The following PLCB1 variants were observed in gnomAD, a reference collection of about 807,000 sequenced individuals.
The protein encoded by PLCB1 is phospholipase C beta 1, also known as 1-phosphatidylinositol 4,5-bisphosphate phosphodiesterase beta-1.
Under a neutral mutation model 161.8 loss-of-function variants are expected in PLCB1, and 46 were observed. The observed-to-expected ratio is 0.28, with a 90% CI of 0.22 to 0.36. The LOEUF (loss-of-function observed/expected upper bound fraction) is 0.36. Among genes scored for constraint, PLCB1 ranks in the 10% least tolerant of loss-of-function variants. The pLI, the probability that PLCB1 is intolerant of heterozygous loss-of-function variation, is 1.00. For missense variants in PLCB1, 1,016 were observed against 1,472.5 expected, an observed-to-expected ratio of 0.69 and a Z score of 5.07; for synonymous variants, 517 against 503.7, an observed-to-expected ratio of 1.03 and a Z score of -0.35.
intron 2 of PLCB1, among the ~76,000 whole-genome samples, chr20:8,156,771 C>T (rs1235216388): frequency 6.6e-6 from 1 of 152,160 alleles, no homozygotes; most frequent in Non-Finnish European, 1.5e-5. Flanking sequence ...GTATTACTCT[C>T]TTAGTGTTGT....
At chr20:8,876,568 G>A (rs118088268) in intron 31 of PLCB1, among the ~76,000 whole-genome samples, 1,961 of 152,192 alleles carry the variant, frequency 0.013, 19 homozygotes, top group Non-Finnish European at 0.019. Flanking sequence ...CCATAATACT[G>A]CTGCCTAACA....
chr20:8,709,146 G>A (rs1978855742), intron 12 of PLCB1, among the ~76,000 whole-genome samples: 1 of 152,080 alleles, frequency 6.6e-6, no homozygotes, highest in Admixed American at 6.5e-5. Flanking sequence ...TGGCAGGTGG[G>A]GGGAGAGCTG....
chr20:8,488,717 C>T (rs962727604), intron 3 of PLCB1, among the ~76,000 whole-genome samples: 1 of 152,160 alleles, frequency 6.6e-6, no homozygotes, highest in Non-Finnish European at 1.5e-5. Context: ...AACAAATGGG[C>T]ATTTTTAGAA....
intron 3 of PLCB1, among the ~76,000 whole-genome samples, chr20:8,612,304 T>G (rs1431149138): frequency 1.3e-5 from 2 of 152,172 alleles, no homozygotes; most frequent in Non-Finnish European, 2.9e-5. Flanking sequence ...AATCAATTAT[T>G]GTAGGAGAGG....
chr20:8,847,363 C>A (rs1322552150), intron 31 of PLCB1, among the ~76,000 whole-genome samples: 6 of 152,214 alleles, frequency 3.9e-5, no homozygotes, highest in Admixed American at 3.9e-4. Flanking sequence ...CATCCAAGAT[C>A]TGTCCTTACT....
chr20:8,745,011 T>G (rs546580498), intron 23 of PLCB1, among the ~76,000 whole-genome samples: 2 of 152,334 alleles, frequency 1.3e-5, no homozygotes, highest in Admixed American at 1.3e-4. Context: ...TGTATAATAT[T>G]GTTTAAATTT....
intron 3 of PLCB1, among the ~76,000 whole-genome samples, chr20:8,495,542 C>T (rs1783184151): frequency 6.8e-6 from 1 of 146,324 alleles, no homozygotes; most frequent in Admixed American, 7.0e-5. Flanking sequence ...GGACTACAGG[C>T]GCCCGCCACC....
intron 2 of PLCB1, among the ~76,000 whole-genome samples, chr20:8,336,415 T>G (rs1287385749): frequency 6.6e-6 from 1 of 152,218 alleles, no homozygotes; most frequent in African/African-American, 2.4e-5. Context: ...ATTGGGAGTA[T>G]CTAGGATTCT....
At chr20:8,791,109 A>G (rs957225033) in intron 31 of PLCB1, among the ~76,000 whole-genome samples, 7 of 152,136 alleles carry the variant, frequency 4.6e-5, no homozygotes, top group African/African-American at 1.7e-4. Flanking sequence ...TTTCTTATGG[A>G]TAATTCTAAA....
intron 3 of PLCB1, among the ~76,000 whole-genome samples, chr20:8,459,852 C>T (rs562608173): frequency 2.6e-5 from 4 of 152,296 alleles, no homozygotes; most frequent in Admixed American, 1.3e-4. Context: ...GTATATTCAA[C>T]AATAGGATTT....
chr20:8,688,478 G>A (rs1239111733), intron 10 of PLCB1, among the ~76,000 whole-genome samples: 1 of 152,084 alleles, frequency 6.6e-6, no homozygotes, highest in Non-Finnish European at 1.5e-5. Context: ...ATAGTTTCAG[G>A]TCTTAGATTT....
At chr20:8,444,212 G>C (rs186222556) in intron 3 of PLCB1, among the ~76,000 whole-genome samples, 343 of 133,126 alleles carry the variant, frequency 2.6e-3, no homozygotes, top group African/African-American at 9.4e-3. Context: ...ATGACAGGCC[G>C]CGGTGTGTGA....
Position 8,227,397 on chromosome 20 carries a change from C to A in PLCB1, c.177+77026C>A, listed in dbSNP as rs143147744. On this transcript the variant is annotated intron_variant, in intron 2 of 31. Transcript: ENST00000338037. ...AAAATTTGTCTTCCACTCAACCAGG[C>A]AGATTTTTGATCACAGAAATTAAGC... is the stretch of plus-strand genomic sequence containing the variant. Among the ~76,000 whole-genome samples the A allele has an allele frequency of 1.2e-3, 182 of 152,304 alleles. 1 individual carries two copies. In the South Asian group the frequency reaches 0.012, roughly 10 times the overall value.
rs6055762 is a variant in PLCB1, at chr20:8,343,164, A to G, written c.178-28218A>G. ...ACCAAGCATGTGGGGCTCTAGGTAA[A>G]ATACAGATCCTGGCTCAGCAGGTAT... is the stretch of plus-strand genomic sequence containing the variant. On this transcript the variant is annotated intron_variant, in intron 2 of 31. Coordinates refer to ENST00000338037, the MANE Select transcript of PLCB1 (RefSeq NM_015192.4). Among the ~76,000 whole-genome samples, 512 of 152,300 alleles carry G rather than the reference A, an allele frequency of 3.4e-3. 2 individuals carry two copies. The highest frequency in any genetic ancestry group is 0.011 in the African/African-American group (474 of 41,562).
chr20:8,754,394 A>T (rs1600300353), intron 23 of PLCB1, among the ~76,000 whole-genome samples: 1 of 24,402 alleles, frequency 4.1e-5, no homozygotes, highest in South Asian at 3.3e-3. Context: ...TTTAGTTGCC[A>T]AAAAAAAAAA....
At chr20:8,790,087 A>T (rs1215236032) in intron 30 of PLCB1, 88 bp from the exon 31 acceptor site, 1 of 832,660 alleles carries the variant, frequency 1.2e-6, no homozygotes, top group African/African-American at 1.7e-5. Context: ...AATGTAAGCC[A>T]TAGATCTGAA....
At chr20:8,391,782 T>G (rs1189083852) in intron 3 of PLCB1, among the ~76,000 whole-genome samples, 1 of 92,732 alleles carries the variant, frequency 1.1e-5, no homozygotes, top group Admixed American at 1.3e-4. Flanking sequence ...TATATATGTG[T>G]GTGTATATAT....
chr20:8,492,928 A>G (rs2122781933), intron 3 of PLCB1, among the ~76,000 whole-genome samples: 1 of 152,066 alleles, frequency 6.6e-6, no homozygotes, highest in Admixed American at 6.6e-5. Flanking sequence ...TATGTTCATT[A>G]CATAAGTTCC....
intron 6 of PLCB1, among the ~76,000 whole-genome samples, chr20:8,649,017 TTAA>T (rs3034787): frequency 0.25 from 38,311 of 151,648 alleles, 5,166 homozygotes; most frequent in Admixed American, 0.33. Context: ...ATTAAATTTA[TTAA>T]TAATGCAATG....
Sources: gnomAD v4.1 joint callset for allele counts (sites outside exome capture counted in the v4.1 genomes callset) on GRCh38, gnomAD v4.1.1 for gene constraint, MANE v1.5 for transcripts, NCBI Gene and HGNC (gene_info 2026-07-23, HGNC 2026-07-21) for gene names.